Variants in CRB2 observed in about 807,000 individuals in gnomAD.
CRB2 encodes the protein protein crumbs homolog 2.
Under a neutral mutation model 110.9 loss-of-function variants are expected in CRB2, and 85 were observed. The observed-to-expected ratio is 0.77, with a 90% CI of 0.64 to 0.92. The LOEUF is 0.92. Ranked by LOEUF, CRB2 falls within the 40% of genes least tolerant of loss-of-function variation. The pLI is 0.00. For missense variants in CRB2, 1,843 were observed against 1,851.3 expected (o/e 1.00, Z 0.08); for synonymous variants, 907 against 831.0 (o/e 1.09, Z -1.57).
intron 9 of CRB2, 91 bp from the exon 10 acceptor site, chr9:123,373,043 T>C (rs2042039112): frequency 1.7e-6 from 2 of 1,152,538 alleles, no homozygotes; most frequent in South Asian, 1.7e-5. Context: ...CCCAAGTAAG[T>C]GGCTGTCTGC....
intron 12 of CRB2, 53 bp from the exon 13 acceptor site, chr9:123,376,785 C>G (rs2042109054): frequency 6.7e-7 from 1 of 1,500,190 alleles, no homozygotes; most frequent in South Asian, 1.2e-5. Flanking sequence ...CTGAGGGCCC[C>G]GGCGTCCTCC....
At chr9:123,366,691 G>C (rs1410099797) in intron 4 of CRB2, among the ~76,000 whole-genome samples, 1 of 152,182 alleles carries the variant, frequency 6.6e-6, no homozygotes, top group Non-Finnish European at 1.5e-5. Flanking sequence ...GGTGGCTCAA[G>C]CCTGTAATCC....
chr9:123,375,339 T>G lies in CRB2; in HGVS notation c.3629T>G (p.Val1210Gly), dbSNP rs768222377. 1 of 1,587,436 alleles carries G rather than the reference T, an allele frequency of 6.3e-7. No homozygotes were observed. The highest frequency in any genetic ancestry group is 2.3e-5 in the East Asian group (1 of 44,428). ...NARFSGQFCE[V>G]AKGLPLPLPF... is the part of the protein sequence containing the mutation. ...AGATTCTCCGGCCAGTTCTGTGAAG[T>G]GGCGGTGAGTGTTGTCAGGGGTGAG... The change falls in exon 12 of 13, where the codon GTG becomes GGG. Residue 1210 changes from valine (V) to glycine (G), a missense_variant. Transcript: ENST00000373631.
intron 11 of CRB2, 28 bp from the exon 12 acceptor site, chr9:123,375,189 C>T (rs199540751): frequency 8.7e-6 from 14 of 1,610,922 alleles, no homozygotes; most frequent in Middle Eastern, 1.9e-4. Context: ...TGGGGGAAGC[C>T]GCTTTCTCAG....
At chr9:123,375,554 T>C (rs1235468488) in intron 12 of CRB2, among the ~76,000 whole-genome samples, 2 of 152,174 alleles carry the variant, frequency 1.3e-5, no homozygotes, top group East Asian at 1.9e-4. Flanking sequence ...CACCGTCTAT[T>C]GACAAGAGCA....
Position 123,371,587 on chromosome 9 carries a change from C to CTGGTGGCGG in CRB2, c.2436+16_2436+24dup. 3.1e-6 allele frequency: 5 copies of CTGGTGGCGG among 1,611,966 alleles called. No homozygotes were observed. Among genetic ancestry groups the CTGGTGGCGG allele is most frequent in the East Asian group, 2.2e-5 (1 of 44,880 alleles). ...CCGAGGACATGTGCAGTGTAAGTGT[C>CTGGTGGCGG]TGGTGGCGGTGGTGGTGGTGGGGTG... On this transcript the variant is annotated intron_variant, in intron 8 of 12. Coordinates refer to ENST00000373631, the MANE Select transcript of CRB2 (RefSeq NM_173689.7).
chr9:123,366,195 C>G, intron 3 of CRB2, 32 bp from the exon 4 acceptor site: 2 of 1,391,038 alleles, frequency 1.4e-6, no homozygotes, highest in South Asian at 3.2e-5. Context: ...GGGGCAGGCG[C>G]GCGCTCAGCT....
At chr9:123,379,263 G>GCAAA (rs750142305), downstream of CRB2, among the ~76,000 whole-genome samples, 66 of 152,210 alleles carry the variant, frequency 4.3e-4, no homozygotes, top group Non-Finnish European at 7.4e-5. Context: ...CCGCCTCCCC[G>GCAAA]CAAACACCAG....
In CRB2 at chr9:123,366,305, C is replaced by G; in HGVS notation, c.693C>G (p.Pro231=). ...EREVLECASA[P]CEHNASCLEG... ...AGGTGCTGGAGTGCGCATCGGCGCCCTGCGAGCACAACGCGTCCTGCCTCG... is the reference window on the plus strand; with the variant it reads ...AGGTGCTGGAGTGCGCATCGGCGCCGTGCGAGCACAACGCGTCCTGCCTCG... Residue 231 remains proline (P), a synonymous_variant, in exon 4 of 13, where the codon CCC becomes CCG. Transcript: ENST00000373631. 1 of 1,529,878 alleles carries G rather than the reference C, an allele frequency of 6.5e-7. No homozygotes were observed. Among genetic ancestry groups the G allele is most frequent in the Non-Finnish European group, 8.7e-7 (1 of 1,151,384 alleles). The allele number at this position is 1,529,878 out of a possible 1,614,324, so 94.8% of individuals were successfully genotyped here.
intron 12 of CRB2, 87 bp from the exon 13 acceptor site, chr9:123,376,751 T>A: frequency 1.6e-6 from 2 of 1,249,884 alleles, no homozygotes; most frequent in South Asian, 1.4e-5. Flanking sequence ...TCTGAGTAGG[T>A]CCTTGTGCTG....
Position 123,375,236 on chromosome 9 carries a change from C to G in CRB2, c.3526C>G (p.Pro1176Ala). 2 of 1,612,666 alleles carry G rather than the reference C, an allele frequency of 1.2e-6. 1 individual carries two copies. Among genetic ancestry groups the G allele is most frequent in the South Asian group, 2.2e-5 (2 of 90,848 alleles). The change falls in exon 12 of 13, where the codon CCC (proline) becomes GCC (alanine). Residue 1176 changes from proline to alanine, a missense_variant. Transcript: ENST00000373631. The stretch of plus-strand genomic sequence containing the variant: ...CTCCAGGTGTCAGGTCCCCACTCTC[C>G]CCTGTGAAGCCAACCCCTGCTTGAA... Reference protein sequence around the residue: ...AGQRCQVPTLPCEANPCLNGG... With the variant: ...AGQRCQVPTLACEANPCLNGG...
At chr9:123,372,048 C>A (rs961419621) in intron 8 of CRB2, 129 bp from the exon 9 acceptor site, 14 of 926,178 alleles carry the variant, frequency 1.5e-5, no homozygotes, top group Admixed American at 1.5e-4. Context: ...TAGCGACTTC[C>A]TCTCCCCTCG....
At chr9:123,357,321 A>AC (rs2041811253) in intron 1 of CRB2, among the ~76,000 whole-genome samples, 2 of 151,774 alleles carry the variant, frequency 1.3e-5, no homozygotes, top group African/African-American at 4.8e-5. Flanking sequence ...CCCTGCCCCC[A>AC]CCACCACAGG....
upstream of CRB2, among the ~76,000 whole-genome samples, chr9:123,355,535 T>A (rs1164783756): frequency 7.0e-6 from 1 of 142,102 alleles, no homozygotes; most frequent in Non-Finnish European, 1.5e-5. Flanking sequence ...AGGGAGCTGA[T>A]CCTGAGGCCG....
chr9:123,367,082 C>T, intron 4 of CRB2, 90 bp from the exon 5 acceptor site: 3 of 1,357,738 alleles, frequency 2.2e-6, no homozygotes, highest in Non-Finnish European at 3.0e-6. Flanking sequence ...GAGCTGCGGT[C>T]CCTTGCTGGC....
intron 1 of CRB2, among the ~76,000 whole-genome samples, chr9:123,358,764 AGTCACGTCTCTTCTCT>A (rs2041828099): frequency 1.3e-5 from 2 of 152,216 alleles, no homozygotes; most frequent in Non-Finnish European, 2.9e-5. Flanking sequence ...GCCTAGGCAA[AGTCACGTCTCTTCTCT>A]GTCTCTACAA....
chr9:123,370,579 T>G lies in CRB2; in HGVS notation c.1526T>G (p.Leu509Arg). The change falls in exon 7 of 13, where the codon CTG becomes CGG. Residue 509 changes from leucine (L) to arginine (R), a missense_variant. By Grantham distance (102) the Leu-to-Arg change is moderately radical (BLOSUM62 -2). Transcript: ENST00000373631. ...AGCACCACTGTGCTTGTCCTGAGAC[T>G]GCCGGACCTGGCCCTAAACGATGGC... ...SYSTTVLVLRLPDLALNDGHW... is the reference protein window; with the variant it reads ...SYSTTVLVLRRPDLALNDGHW... 1 of 1,613,396 alleles carries G rather than the reference T, an allele frequency of 6.2e-7. No homozygotes were observed. The highest frequency in any genetic ancestry group is 8.5e-7 in the Non-Finnish European group (1 of 1,180,032).
intron 1 of CRB2, 114 bp from the exon 2 acceptor site, chr9:123,362,751 T>C (rs957182137): frequency 7.2e-6 from 7 of 973,422 alleles, no homozygotes; most frequent in Admixed American, 4.6e-5. Flanking sequence ...GTCCATACTG[T>C]GCATGCAGAG....
rs540139776 is a variant in CRB2 at position 123,371,506 on chromosome 9, C to G, written c.2364C>G (p.Ser788Arg). ...PFFPLPLDNSSQPSELGGRQS... is the reference protein window; with the variant it reads ...PFFPLPLDNSRQPSELGGRQS... ...TTCCTCTGCCACTGGATAACTCAAG[C>G]CAGCCCAGCGAGCTCGGCGGCAGGC... The change falls in exon 8 of 13, where the codon AGC becomes AGG. Residue 788 changes from serine to arginine, a missense_variant. Transcript: ENST00000373631. 1 of 1,613,212 alleles carries G rather than the reference C, an allele frequency of 6.2e-7. No individual in the cohort carries two copies. Among genetic ancestry groups the G allele is most frequent in the African/African-American group, 1.3e-5 (1 of 75,052 alleles).
Sources: gnomAD v4.1 joint callset for allele counts (sites outside exome capture counted in the v4.1 genomes callset) on GRCh38, gnomAD v4.1.1 for gene constraint, MANE v1.5 for transcripts, NCBI Gene and HGNC (gene_info 2026-07-23, HGNC 2026-07-21) for gene names.